The following ENOX1 variants were observed in gnomAD, a reference collection of about 807,000 sequenced individuals.
ENOX1 encodes the protein ecto-NOX disulfide-thiol exchanger 1.
A neutral mutation model predicts 82.5 loss-of-function variants in ENOX1; 42 were observed. The ratio of observed to expected loss-of-function variants is 0.51; its 90% CI spans 0.40 to 0.66. The LOEUF (loss-of-function observed/expected upper bound fraction) is 0.66, where lower values mean the gene tolerates loss of function less well. Ranked by LOEUF, ENOX1 falls within the 30% of genes least tolerant of loss-of-function variation. The probability of loss-of-function intolerance (pLI) is 0.00; values close to 1 mark genes in which losing one functional copy is unlikely to be tolerated. For missense variants in ENOX1, 608 were observed against 811.6 expected, an observed-to-expected ratio of 0.75 and a Z score of 3.05; for synonymous variants, 271 against 282.2, an observed-to-expected ratio of 0.96 and a Z score of 0.40.
intron 3 of ENOX1, among the ~76,000 whole-genome samples, chr13:43,443,113 T>C (rs2056445550): frequency 1.3e-5 from 2 of 152,202 alleles, no homozygotes; most frequent in South Asian, 4.1e-4. Flanking sequence ...GGAAAAATGT[T>C]TTCTATAAAC....
At chr13:43,765,770 C>T (rs368594102) in intron 1 of ENOX1, among the ~76,000 whole-genome samples, 37 of 152,218 alleles carry the variant, frequency 2.4e-4, no homozygotes, top group African/African-American at 8.4e-4. Context: ...TAATCATTAC[C>T]CAGTTCGTTC....
chr13:43,387,427 T>C (rs1325657228), intron 5 of ENOX1, among the ~76,000 whole-genome samples: 2 of 152,094 alleles, frequency 1.3e-5, no homozygotes, highest in Non-Finnish European at 1.5e-5. Context: ...AGAGCAAACC[T>C]AGCATGTTTC....
intron 9 of ENOX1, among the ~76,000 whole-genome samples, chr13:43,336,106 C>A (rs9562475): frequency 0.2 from 30,587 of 152,182 alleles, 4,026 homozygotes; most frequent in East Asian, 0.58. Flanking sequence ...CAGACATGGG[C>A]AAACATTTTA....
chr13:43,402,334 ATAGTT>A (rs2053546611), intron 5 of ENOX1, among the ~76,000 whole-genome samples: 1 of 152,210 alleles, frequency 6.6e-6, no homozygotes, highest in Non-Finnish European at 1.5e-5. Context: ...CAGAAAATCT[ATAGTT>A]TAGACAGTCT....
Position 43,389,748 on chromosome 13 carries a change from T to C in ENOX1, c.208+22168A>G, listed in dbSNP as rs116814814. ...AGTTCATATGCCTGAAAAATCATGATGCAACTGGTTGGAATTTCACAAGGC... is the reference window on the plus strand; with the variant it reads ...AGTTCATATGCCTGAAAAATCATGACGCAACTGGTTGGAATTTCACAAGGC... On this transcript the variant is annotated intron_variant, in intron 5 of 16. Transcript: ENST00000690772. Among the ~76,000 whole-genome samples the C allele has an allele frequency of 6.2e-3, 941 of 152,334 alleles. 13 individuals carry two copies. Among genetic ancestry groups the C allele is most frequent in the African/African-American group, 0.022 (901 of 41,572 alleles).
At chr13:43,380,958 A>C (rs1332653032) in intron 5 of ENOX1, among the ~76,000 whole-genome samples, 1 of 151,892 alleles carries the variant, frequency 6.6e-6, no homozygotes. Flanking sequence ...CACAATTAAC[A>C]GTCAGAAATT....
At chr13:43,470,345 T>TATATATATACAC (rs1566306916) in intron 3 of ENOX1, among the ~76,000 whole-genome samples, 30 of 13,162 alleles carry the variant, frequency 2.3e-3, no homozygotes, top group Non-Finnish European at 4.7e-3. Flanking sequence ...TATATACGTA[T>TATATATATACAC]ATATATATGT....
At chr13:43,331,250 A>G (rs1053802689) in intron 9 of ENOX1, among the ~76,000 whole-genome samples, 3 of 152,168 alleles carry the variant, frequency 2.0e-5, no homozygotes, top group African/African-American at 7.2e-5. Context: ...TTTTCCCTTC[A>G]TGTCTTGCCG....
At chr13:43,480,767 T>G (rs997026190) in intron 3 of ENOX1, among the ~76,000 whole-genome samples, 1 of 152,130 alleles carries the variant, frequency 6.6e-6, no homozygotes, top group African/African-American at 2.4e-5. Context: ...GATACATTTC[T>G]AGAAACACAC....
chr13:43,707,478 G>A (rs2087373179), intron 1 of ENOX1, among the ~76,000 whole-genome samples: 1 of 152,146 alleles, frequency 6.6e-6, no homozygotes, highest in Non-Finnish European at 1.5e-5. Flanking sequence ...GCTCACGCCT[G>A]TAATCCCAGC....
rs1403473872 is a variant in ENOX1 at position 43,653,661 on chromosome 13, C to A, written c.-219+13818G>T. On this transcript the variant is annotated intron_variant, in intron 2 of 16. Coordinates refer to ENST00000690772, the MANE Select transcript of ENOX1 (RefSeq NM_001347969.2). Reference sequence around the variant, plus strand: ...ATTCTTTCCAGAAAATATTAACTCCCCATATCCCCTGTGACTGTCACATAG... The same window carrying A: ...ATTCTTTCCAGAAAATATTAACTCCACATATCCCCTGTGACTGTCACATAG... Among the ~76,000 whole-genome samples, 3 of 152,080 alleles carry A rather than the reference C, an allele frequency of 2.0e-5. No homozygotes were observed. The East Asian group carries it at 5.8e-4, about 29-fold the overall frequency.
chr13:43,360,164 C>T lies in ENOX1; in HGVS notation c.383-107G>A, dbSNP rs571939830. On this transcript the variant is annotated intron_variant, in intron 6 of 16. Transcript: ENST00000690772. Reference sequence around the variant, plus strand: ...GAGTAACTTTCTCCAGACTGAGTGACGGTAAATTTCTATGCCAACTTAACA... The same window carrying T: ...GAGTAACTTTCTCCAGACTGAGTGATGGTAAATTTCTATGCCAACTTAACA... The T allele has an allele frequency of 3.7e-4, 349 of 950,496 alleles. No homozygotes were observed. In the African/African-American group the frequency reaches 5.9e-3, roughly 16 times the overall value. 58.9% of individuals were successfully genotyped at this position (950,496 alleles called of 1,614,324 possible).
chr13:43,665,876 T>A (rs2084952673), intron 2 of ENOX1, among the ~76,000 whole-genome samples: 2 of 149,818 alleles, frequency 1.3e-5, no homozygotes, highest in Admixed American at 1.3e-4. Context: ...GCCTTTATAG[T>A]CCTTGCCATT....
intron 1 of ENOX1, among the ~76,000 whole-genome samples, chr13:43,695,924 C>T (rs2086620202): frequency 6.6e-6 from 1 of 152,082 alleles, no homozygotes; most frequent in Non-Finnish European, 1.5e-5. Context: ...AAAGAAACCC[C>T]ATATCCATCA....
intron 2 of ENOX1, among the ~76,000 whole-genome samples, chr13:43,523,805 C>A (rs2077875703): frequency 6.6e-6 from 1 of 152,072 alleles, no homozygotes; most frequent in African/African-American, 2.4e-5. Flanking sequence ...TAACCATTAA[C>A]TAATGCTATG....
chr13:43,214,018 C>T lies in ENOX1; in HGVS notation c.1904G>A (p.Cys635Tyr). 6.2e-7 allele frequency: 1 copy of T among 1,613,984 alleles called. No homozygotes were observed. Among genetic ancestry groups the T allele is most frequent in the Non-Finnish European group, 8.5e-7 (1 of 1,179,908 alleles). Residue 635 changes from cysteine to tyrosine, a missense_variant, in exon 17 of 17, where the codon TGT (cysteine) becomes TAT (tyrosine). Cys to Tyr is a radical substitution (Grantham distance 194, BLOSUM62 -2). Transcript: ENST00000690772. ...GATLEKRWKL[C>Y]AFEGIKTT is the part of the protein sequence containing the mutation. ...GGTAGTTTTAATTCCTTCAAAGGCA[C>T]ACAGCTTCCATCTTTTTTCCAGCGT...
intron 12 of ENOX1, among the ~76,000 whole-genome samples, chr13:43,275,662 G>T (rs1363509174): frequency 6.6e-6 from 1 of 151,870 alleles, no homozygotes; most frequent in Non-Finnish European, 1.5e-5. Context: ...TCTTTGTTTA[G>T]TTCTAAAACA....
intron 3 of ENOX1, among the ~76,000 whole-genome samples, chr13:43,427,946 G>A (rs151264286): frequency 2.3e-3 from 353 of 152,318 alleles, no homozygotes; most frequent in African/African-American, 7.8e-3. Context: ...CCAGAAGGAT[G>A]AGCCAGGAGT....
chr13:43,527,719 T>C (rs972317013), intron 2 of ENOX1, among the ~76,000 whole-genome samples: 1 of 152,130 alleles, frequency 6.6e-6, no homozygotes, highest in African/African-American at 2.4e-5. Context: ...ATTTGACTGA[T>C]GGAAAGGAAT....
Sources: gnomAD v4.1 joint callset for allele counts (sites outside exome capture counted in the v4.1 genomes callset) on GRCh38, gnomAD v4.1.1 for gene constraint, MANE v1.5 for transcripts, NCBI Gene and HGNC (gene_info 2026-07-23, HGNC 2026-07-21) for gene names.